Variants in RALGAPA1 observed in about 807,000 individuals in gnomAD.
RALGAPA1 encodes the protein Ral GTPase activating protein catalytic subunit alpha 1.
A neutral mutation model predicts 269.6 loss-of-function variants in RALGAPA1; 52 were observed. The observed-to-expected ratio is 0.19, with a 90% CI of 0.15 to 0.24. The LOEUF is 0.24. Ranked by LOEUF, RALGAPA1 falls within the 10% of genes least tolerant of loss-of-function variation. The pLI, the probability that RALGAPA1 is intolerant of heterozygous loss-of-function variation, is 1.00. For missense variants in RALGAPA1, 1,917 were observed against 3,013.9 expected (o/e 0.64, Z 8.52); for synonymous variants, 817 against 1,008.3 (o/e 0.81, Z 3.60).
intron 1 of RALGAPA1, among the ~76,000 whole-genome samples, chr14:35,785,465 A>T (rs556812664): frequency 6.6e-6 from 1 of 152,220 alleles, no homozygotes; most frequent in African/African-American, 2.4e-5. Flanking sequence ...TGGAAAATGC[A>T]TTACACTGAA....
intron 19 of RALGAPA1, among the ~76,000 whole-genome samples, chr14:35,685,885 C>T (rs557924153): frequency 2.6e-5 from 4 of 152,168 alleles, no homozygotes; most frequent in Admixed American, 6.5e-5. Context: ...AAGCGACACT[C>T]TGTCTCAAAA....
intron 17 of RALGAPA1, among the ~76,000 whole-genome samples, chr14:35,691,437 G>A (rs1395183902): frequency 2.6e-5 from 4 of 152,126 alleles, no homozygotes; most frequent in African/African-American, 7.2e-5. Flanking sequence ...GAGTCAAAAA[G>A]TCAGCTGTTG....
At chr14:35,624,156 C>CAAAAA (rs377171729) in intron 35 of RALGAPA1, among the ~76,000 whole-genome samples, 6 of 21,834 alleles carry the variant, frequency 2.7e-4, no homozygotes, top group East Asian at 1.1e-3. Flanking sequence ...TAATACAACG[C>CAAAAA]AAAAAAAAAA....
chr14:35,585,909 T>G (rs181015207), intron 37 of RALGAPA1, among the ~76,000 whole-genome samples: 1 of 152,186 alleles, frequency 6.6e-6, no homozygotes, highest in Non-Finnish European at 1.5e-5. Context: ...TTGTTCTTTT[T>G]GCTTAGGATT....
At chr14:35,771,415 A>T (rs543451766) in intron 3 of RALGAPA1, among the ~76,000 whole-genome samples, 1 of 152,168 alleles carries the variant, frequency 6.6e-6, no homozygotes, top group East Asian at 1.9e-4. Context: ...AAAACAAAAC[A>T]AACAAACAAA....
intron 35 of RALGAPA1, among the ~76,000 whole-genome samples, chr14:35,624,301 C>T (rs2060855648): frequency 2.1e-5 from 3 of 146,022 alleles, no homozygotes; most frequent in Middle Eastern, 3.7e-3. Context: ...TTTTTAAGAT[C>T]ATTTTGAGAA....
At chr14:35,609,729 C>A (rs1226750790) in intron 35 of RALGAPA1, among the ~76,000 whole-genome samples, 4 of 151,824 alleles carry the variant, frequency 2.6e-5, no homozygotes, top group African/African-American at 4.8e-5. Context: ...TCGAGACCAG[C>A]CTGGGCAACA....
At chr14:35,572,771 T>C in intron 37 of RALGAPA1, 53 bp from the exon 38 acceptor site, 1 of 1,315,748 alleles carries the variant, frequency 7.6e-7, no homozygotes, top group Non-Finnish European at 1.0e-6. Flanking sequence ...TTGAGTACAG[T>C]CATACAGTCA....
chr14:35,644,512 A>G (rs1160737252), intron 31 of RALGAPA1, among the ~76,000 whole-genome samples: 3 of 152,262 alleles, frequency 2.0e-5, no homozygotes, highest in Non-Finnish European at 2.9e-5. Flanking sequence ...AGTAACCCAA[A>G]TAACTTATGA....
intron 37 of RALGAPA1, among the ~76,000 whole-genome samples, chr14:35,586,393 A>G (rs2058291300): frequency 6.6e-6 from 1 of 152,218 alleles, no homozygotes; most frequent in African/African-American, 2.4e-5. Context: ...TGTCATCTGC[A>G]AACAGGGACA....
intron 16 of RALGAPA1, among the ~76,000 whole-genome samples, chr14:35,701,465 CTT>C (rs2067345485): frequency 6.6e-6 from 1 of 152,106 alleles, no homozygotes; most frequent in African/African-American, 2.4e-5. Context: ...CTCAGTAAGA[CTT>C]TTCTTTTACT....
intron 8 of RALGAPA1, 81 bp downstream of exon 8, chr14:35,751,943 C>A: frequency 6.6e-7 from 1 of 1,508,466 alleles, no homozygotes; most frequent in Non-Finnish European, 8.9e-7. Flanking sequence ...CAGTTTCCTG[C>A]AGTAACAAAT....
intron 19 of RALGAPA1, among the ~76,000 whole-genome samples, chr14:35,685,546 A>T (rs1466622043): frequency 6.6e-6 from 1 of 152,180 alleles, no homozygotes; most frequent in Non-Finnish European, 1.5e-5. Context: ...CTAAAAAGAA[A>T]GGGGCGGGGT....
At chr14:35,652,073 C>T (rs982477326) in intron 30 of RALGAPA1, among the ~76,000 whole-genome samples, 200 bp from the exon 31 acceptor site, 1 of 151,956 alleles carries the variant, frequency 6.6e-6, no homozygotes, top group Non-Finnish European at 1.5e-5. Flanking sequence ...ATTTATAATC[C>T]TCATGTACAG....
chr14:35,572,439 T>C (rs557486389), intron 38 of RALGAPA1, 121 bp downstream of exon 38: 2 of 708,276 alleles, frequency 2.8e-6, no homozygotes, highest in Admixed American at 6.0e-5. Context: ...CTATGTAACA[T>C]TTACCCTCAG....
chr14:35,728,538 C>A, intron 12 of RALGAPA1, 28 bp from the exon 13 acceptor site: 18 of 1,550,348 alleles, frequency 1.2e-5, no homozygotes, highest in Non-Finnish European at 1.5e-5. Flanking sequence ...ATTAGCTATT[C>A]ACAAAGGAAT....
At chr14:35,761,925 C>T (rs935589580) in intron 5 of RALGAPA1, among the ~76,000 whole-genome samples, 2 of 152,182 alleles carry the variant, frequency 1.3e-5, no homozygotes, top group Non-Finnish European at 2.9e-5. Flanking sequence ...CCAAAAGCAC[C>T]TGTAATAATG....
intron 4 of RALGAPA1, among the ~76,000 whole-genome samples, chr14:35,764,397 CAT>C (rs202163010): frequency 6.6e-6 from 1 of 151,130 alleles, no homozygotes; most frequent in Non-Finnish European, 1.5e-5. Context: ...TCTTTATATA[CAT>C]ATATATATAT....
chr14:35,804,198 G>A (rs763284197), intron 1 of RALGAPA1, among the ~76,000 whole-genome samples: 5 of 151,358 alleles, frequency 3.3e-5, no homozygotes, highest in Admixed American at 6.6e-5. Context: ...GGAGGTGGAC[G>A]TTGCAGTGAG....
Sources: allele counts gnomAD v4.1 joint callset (sites outside exome capture counted in the v4.1 genomes callset), GRCh38; gene constraint gnomAD v4.1.1; transcripts MANE v1.5; gene names NCBI Gene and HGNC (gene_info 2026-07-23, HGNC 2026-07-21).